Variants in USP16 observed in about 807,000 individuals in gnomAD.
The protein encoded by USP16 is ubiquitin carboxyl-terminal hydrolase 16.
Under a neutral mutation model 95.9 loss-of-function variants are expected in USP16, and 77 were observed. The observed-to-expected ratio is 0.80, with a 90% CI of 0.67 to 0.97. USP16 has a LOEUF of 0.97. USP16 is among the 50% of genes least tolerant of loss of function. The probability of loss-of-function intolerance (pLI) is 0.00; values close to 1 mark genes in which losing one functional copy is unlikely to be tolerated. For synonymous variants in USP16, 303 were observed against 318.2 expected, an observed-to-expected ratio of 0.95 and a Z score of 0.51; for missense variants, 943 against 959.9, an observed-to-expected ratio of 0.98 and a Z score of 0.23.
At chr21:29,038,716 G>A (rs2085199726) in intron 7 of USP16, among the ~76,000 whole-genome samples, 2 of 152,204 alleles carry the variant, frequency 1.3e-5, no homozygotes, top group Middle Eastern at 3.4e-3. Context: ...ACATCTTTAA[G>A]GTGACTTAAG....
At chr21:29,048,097 GTT>G (rs970727367) in intron 14 of USP16, among the ~76,000 whole-genome samples, 2 of 124,856 alleles carry the variant, frequency 1.6e-5, no homozygotes, top group Non-Finnish European at 3.5e-5. Flanking sequence ...GTGTGTGTGT[GTT>G]TTGAGACAGA....
intron 3 of USP16, among the ~76,000 whole-genome samples, chr21:29,031,176 G>GGAT (rs2146362763): frequency 6.6e-6 from 1 of 152,290 alleles, no homozygotes; most frequent in Non-Finnish European, 1.5e-5. Context: ...TCCTGGGGAT[G>GGAT]GATGGACTAG....
In USP16 at chr21:29,030,583, TTGTTTTAATAGAACCTGTG is replaced by T; in HGVS notation, c.62-9_71del. On this transcript the variant is annotated splice_acceptor_variant and splice_polypyrimidine_tract_variant and coding_sequence_variant and intron_variant, in exon 3 of 18. Coordinates refer to ENST00000399976, the MANE Select transcript of USP16 (RefSeq NM_006447.3). LOFTEE classifies it high-confidence loss of function. ...ACCTTATATATTCCTTGTCTATTAT[TTGTTTTAATAGAACCTGTG>T]TGCAGACACATTAGAAAAGGATTGG... The T allele has an allele frequency of 6.4e-7, 1 of 1,550,802 alleles. No individual in the cohort carries two copies. Among genetic ancestry groups the T allele is most frequent in the Non-Finnish European group, 8.7e-7 (1 of 1,151,048 alleles).
intron 6 of USP16, 115 bp downstream of exon 6, chr21:29,037,578 ACTTTTT>A: frequency 1.6e-6 from 1 of 642,306 alleles, no homozygotes; most frequent in South Asian, 3.9e-5. Context: ...TCCAAAGAAA[ACTTTTT>A]TTTTTTTTTT....
chr21:29,030,104 A>T (rs1473552100), intron 2 of USP16, among the ~76,000 whole-genome samples: 1 of 151,714 alleles, frequency 6.6e-6, no homozygotes, highest in Non-Finnish European at 1.5e-5. Context: ...TGTTTCGGAG[A>T]TTCTTATACA....
At chr21:29,026,093 G>C (rs1254365501) in intron 1 of USP16, among the ~76,000 whole-genome samples, 1 of 152,202 alleles carries the variant, frequency 6.6e-6, no homozygotes, top group African/African-American at 2.4e-5. Flanking sequence ...GTAAGATTTA[G>C]ATAGAATATT....
intron 1 of USP16, chr21:29,025,803 A>C (rs1417880533): frequency 6.7e-6 from 6 of 890,092 alleles, no homozygotes; most frequent in Non-Finnish European, 8.1e-6. Flanking sequence ...TCAATGCAAG[A>C]AGTATTTCTT....
intron 3 of USP16, among the ~76,000 whole-genome samples, chr21:29,031,313 C>T (rs150549667): frequency 2.0e-5 from 3 of 152,292 alleles, no homozygotes; most frequent in East Asian, 3.9e-4. Flanking sequence ...CAGTTATTAC[C>T]GTGGTACTAA....
At chr21:29,035,885 C>T (rs563435890) in intron 4 of USP16, among the ~76,000 whole-genome samples, 56 of 151,996 alleles carry the variant, frequency 3.7e-4, no homozygotes, top group African/African-American at 1.2e-3. Flanking sequence ...TGCCACTGCA[C>T]GCAGCCTGGG....
At position 29,047,210 on chromosome 21, in the gene USP16, C is replaced by T; in HGVS notation, c.1900C>T (p.Gln634Ter). Residue 634 changes from glutamine (Q) to a stop codon, truncating the protein, a stop_gained, in exon 14 of 18, where the codon CAA becomes TAA. Coordinates refer to ENST00000399976, the MANE Select transcript of USP16 (RefSeq NM_006447.3). LOFTEE classifies it high-confidence loss of function. ...TTTCAATACTGATGAGTGTTCAATC[C>T]AACATTGTTTATATCAGTTCACCCG... ...EVFNTDECSIQHCLYQFTRNE... is the reference protein window; with the variant it reads ...EVFNTDECSI 6.2e-7 allele frequency: 1 copy of T among 1,614,068 alleles called. No individual in the cohort carries two copies. The highest frequency in any genetic ancestry group is 8.5e-7 in the Non-Finnish European group (1 of 1,180,012).
chr21:29,029,317 G>T (rs1320348605), intron 2 of USP16, among the ~76,000 whole-genome samples: 1 of 152,190 alleles, frequency 6.6e-6, no homozygotes, highest in Non-Finnish European at 1.5e-5. Context: ...GGAGGCTGAG[G>T]CAGGAGAATG....
rs769450062 is a variant in USP16 at position 29,043,509 on chromosome 21, C to T, written c.1266C>T (p.Asp422=). ...DQDSEEEKDN[D]SYIKERSDIP... ...ATAGTGAGGAAGAAAAAGATAACGA[C>T]AGTTACATAAAAGAGAGAAGTGATA... is the stretch of plus-strand genomic sequence containing the variant. Residue 422 remains aspartate, a synonymous_variant, in exon 13 of 18, where the codon GAC becomes GAT. Coordinates refer to ENST00000399976, the MANE Select transcript of USP16 (RefSeq NM_006447.3). The T allele has an allele frequency of 6.3e-7, 1 of 1,598,146 alleles. No individual in the cohort carries two copies. Among genetic ancestry groups the T allele is most frequent in the Non-Finnish European group, 8.5e-7 (1 of 1,173,694 alleles).
chr21:29,038,552 C>T (rs2085197337), intron 7 of USP16, 122 bp downstream of exon 7: 1 of 759,344 alleles, frequency 1.3e-6, no homozygotes. Context: ...CTTTAGGCTA[C>T]TAACTTAAAC....
chr21:29,038,470 CTGAATG>C, intron 7 of USP16, 40 bp downstream of exon 7: 1 of 1,358,588 alleles, frequency 7.4e-7, no homozygotes, highest in Non-Finnish European at 1.0e-6. Context: ...ACTTTCCTCT[CTGAATG>C]TGTGTTTTCT....
At position 29,054,289 on chromosome 21, in the gene USP16, A is replaced by C; in HGVS notation, c.*102A>C. The C allele has an allele frequency of 7.5e-7, 1 of 1,335,208 alleles. No individual in the cohort carries two copies. Among genetic ancestry groups the C allele is most frequent in the Non-Finnish European group, 1.0e-6 (1 of 976,762 alleles). 82.7% of individuals were successfully genotyped at this position (1,335,208 alleles called of 1,614,324 possible). A position where few individuals can be genotyped will look rare whatever the true frequency, so the allele number is the denominator to read the frequency against. ...TTAAAATCATGTTCACTTAACATTA[A>C]ATACATGCCAGAAGAAATCATGTTT... On this transcript the variant is annotated 3_prime_UTR_variant, in exon 18 of 18. Coordinates refer to ENST00000399976, the MANE Select transcript of USP16 (RefSeq NM_006447.3).
rs373623849 is a variant in USP16, at chr21:29,049,537, C to T, written c.2107-555C>T. Among the ~76,000 whole-genome samples the T allele has an allele frequency of 2.6e-5, 4 of 152,266 alleles. No individual in the cohort carries two copies. The East Asian group carries it at 5.8e-4, about 22-fold the overall frequency. On this transcript the variant is annotated intron_variant, in intron 15 of 17. Transcript: ENST00000399976. ...CATTTCTGGATGGCTGAAGCAGAAA[C>T]ATTGAGAATTTTCTCACGAGAAAAG...
intron 10 of USP16, among the ~76,000 whole-genome samples, chr21:29,041,103 A>G (rs1354556823): frequency 6.6e-6 from 1 of 152,146 alleles, no homozygotes; most frequent in Non-Finnish European, 1.5e-5. Flanking sequence ...TTGCTGTTCC[A>G]TATAGAAGCA....
At chr21:29,050,364 G>A (rs1234358827) in intron 16 of USP16, among the ~76,000 whole-genome samples, 186 bp downstream of exon 16, 1 of 152,144 alleles carries the variant, frequency 6.6e-6, no homozygotes, top group African/African-American at 2.4e-5. Context: ...GGTTATTTCA[G>A]TTCAACGTTT....
intron 3 of USP16, among the ~76,000 whole-genome samples, chr21:29,033,508 C>T (rs1601046815): frequency 6.6e-6 from 1 of 152,220 alleles, no homozygotes; most frequent in South Asian, 2.1e-4. Context: ...CCAGTAGATA[C>T]ACAGTGAAGA....
Sources: allele counts gnomAD v4.1 joint callset (sites outside exome capture counted in the v4.1 genomes callset), GRCh38; gene constraint gnomAD v4.1.1; transcripts MANE v1.5; gene names NCBI Gene and HGNC (gene_info 2026-07-23, HGNC 2026-07-21).